TET2: variants seen among roughly 807,000 people sequenced by gnomAD.
The protein encoded by TET2 is methylcytosine dioxygenase TET2.
TET2 carries 299 observed loss-of-function variants against 142.9 expected under a neutral mutation model. That is an observed-to-expected ratio of 2.09 (90% CI 1.90 to 2.30). TET2 has a LOEUF of 2.30. TET2 is among the 30% of genes most tolerant of loss of function. The pLI is 0.00. For missense variants in TET2, 2,418 were observed against 2,378.0 expected (o/e 1.02, Z -0.35); for synonymous variants, 819 against 849.0 (o/e 0.96, Z 0.61).
chr4:105,245,762 A>T (rs1354089143), intron 6 of TET2, among the ~76,000 whole-genome samples: 1 of 152,228 alleles, frequency 6.6e-6, no homozygotes, highest in Admixed American at 6.5e-5. Context: ...TGGTAATAGC[A>T]TTTCTTTCAA....
intron 1 of TET2, among the ~76,000 whole-genome samples, chr4:105,185,170 G>GT (rs545932975): frequency 3.9e-4 from 58 of 147,582 alleles, no homozygotes; most frequent in South Asian, 4.3e-4. Context: ...TAGAGAAGAG[G>GT]TTTTTTTTTT....
In TET2 at chr4:105,237,063, T is replaced by C; in HGVS notation, c.3121T>C (p.Phe1041Leu). The change falls in exon 3 of 11, where the codon TTT (phenylalanine) becomes CTT (leucine). Residue 1041 changes from phenylalanine (F) to leucine (L), a missense_variant. Phe to Leu is a conservative substitution (Grantham distance 22). Coordinates refer to ENST00000380013, the MANE Select transcript of TET2 (RefSeq NM_001127208.3). ...GAAGCAGTTTCACGCCAAGTCGTTA[T>C]TTGACCATAAGGCTCTTACTCTCAA... The part of the protein sequence containing the change: ...HLKQFHAKSL[F>L]DHKALTLKSQ... The C allele has an allele frequency of 1.2e-6, 2 of 1,614,156 alleles. No individual in the cohort carries two copies. The highest frequency in any genetic ancestry group is 1.7e-6 in the Non-Finnish European group (2 of 1,180,018).
chr4:105,154,249 A>T (rs1317056150), intron 1 of TET2, among the ~76,000 whole-genome samples: 10 of 152,230 alleles, frequency 6.6e-5, no homozygotes, highest in African/African-American at 2.2e-4. Flanking sequence ...CCACTGAATT[A>T]TATGCTTTAA....
In TET2 at chr4:105,234,891, C is replaced by T. The variant is rs1434577007; in HGVS notation, c.949C>T (p.Gln317Ter). The change falls in exon 3 of 11, where the codon CAG becomes TAG. Residue 317 changes from glutamine (Q) to a stop codon, truncating the protein, a stop_gained. Coordinates refer to ENST00000380013, the MANE Select transcript of TET2 (RefSeq NM_001127208.3). LOFTEE classifies it high-confidence loss of function. ...LAAMLNTCSFQKPEQLQQQKS... is the reference protein window; with the variant it reads ...LAAMLNTCSF Reference sequence around the variant, plus strand: ...TGCAATGCTAAATACCTGTTCCTTTCAGAAACCAGAACAACTACAACAACA... The same window carrying T: ...TGCAATGCTAAATACCTGTTCCTTTTAGAAACCAGAACAACTACAACAACA... 1.2e-6 allele frequency: 2 copies of T among 1,614,112 alleles called. No homozygotes were observed. The highest frequency in any genetic ancestry group is 1.7e-6 in the Non-Finnish European group (2 of 1,180,014).
intron 1 of TET2, among the ~76,000 whole-genome samples, chr4:105,174,767 G>C (rs1207243935): frequency 6.6e-6 from 1 of 152,168 alleles, no homozygotes; most frequent in African/African-American, 2.4e-5. Context: ...AATTCCCTAA[G>C]GGGAGAAGAA....
At chr4:105,163,841 GA>G in intron 1 of TET2, among the ~76,000 whole-genome samples, 1 of 139,634 alleles carries the variant, frequency 7.2e-6, no homozygotes, top group Non-Finnish European at 1.6e-5. Context: ...GAGAGAGAGA[GA>G]GAGAGAGAGA....
At chr4:105,214,471 ATTTTTTTT>A (rs35752514) in intron 2 of TET2, among the ~76,000 whole-genome samples, 2 of 92,100 alleles carry the variant, frequency 2.2e-5, no homozygotes, top group African/African-American at 4.8e-5. Flanking sequence ...CACACCTGGC[ATTTTTTTT>A]TTTTTTTTTT....
intron 1 of TET2, among the ~76,000 whole-genome samples, chr4:105,178,426 AGAGG>A (rs555978218): frequency 6.6e-6 from 1 of 152,228 alleles, no homozygotes; most frequent in Non-Finnish European, 1.5e-5. Context: ...AGTGTTTTCC[AGAGG>A]GAGGAATGTA....
intron 1 of TET2, among the ~76,000 whole-genome samples, chr4:105,160,871 G>C (rs1376090119): frequency 6.6e-6 from 1 of 152,032 alleles, no homozygotes; most frequent in Non-Finnish European, 1.5e-5. Flanking sequence ...CCGCCTCCTG[G>C]GTTCCAGCAA....
chr4:105,230,378 G>A (rs980366446), intron 2 of TET2, among the ~76,000 whole-genome samples: 2 of 152,092 alleles, frequency 1.3e-5, no homozygotes, highest in Non-Finnish European at 2.9e-5. Flanking sequence ...CAAGGAAAGT[G>A]TTTCTGAAAT....
intron 3 of TET2, chr4:105,238,003 G>GT: frequency 7.1e-6 from 6 of 842,802 alleles, no homozygotes; most frequent in Non-Finnish European, 8.9e-6. Flanking sequence ...GATATTGTGG[G>GT]TTTGGCTCCA....
intron 1 of TET2, among the ~76,000 whole-genome samples, chr4:105,181,238 G>A (rs1175455122): frequency 5.3e-5 from 8 of 152,164 alleles, no homozygotes; most frequent in African/African-American, 1.7e-4. Context: ...GTGTGTGTCT[G>A]TATAGTAGTG....
intron 2 of TET2, 56 bp downstream of exon 2, chr4:105,190,561 GTA>G: frequency 1.5e-6 from 1 of 687,458 alleles, no homozygotes; most frequent in Non-Finnish European, 2.6e-6. Context: ...TATTCCTAAT[GTA>G]ATGGTAATCT....
chr4:105,250,784 C>T (rs187266125), intron 6 of TET2, among the ~76,000 whole-genome samples: 5 of 152,210 alleles, frequency 3.3e-5, no homozygotes, highest in East Asian at 1.9e-4. Flanking sequence ...CCTCCACCTC[C>T]GGGTTCAAGT....
chr4:105,179,027 C>T (rs1724968944), intron 1 of TET2, among the ~76,000 whole-genome samples: 1 of 152,092 alleles, frequency 6.6e-6, no homozygotes. Context: ...CTACCAAACA[C>T]TTATAAAACC....
rs1728662884 is a variant in TET2, at chr4:105,233,906, A to G, written c.-37A>G. ...TTTCCATGCTCTTTAGAATTCAACTAGAGGGCAGCCTTGTGGATGGCCCCG... is the reference window on the plus strand; with the variant it reads ...TTTCCATGCTCTTTAGAATTCAACTGGAGGGCAGCCTTGTGGATGGCCCCG... On this transcript the variant is annotated 5_prime_UTR_variant, in exon 3 of 11. Transcript: ENST00000380013. 1 of 1,562,056 alleles carries G rather than the reference A, an allele frequency of 6.4e-7. No homozygotes were observed. Among genetic ancestry groups the G allele is most frequent in the Non-Finnish European group, 8.7e-7 (1 of 1,155,452 alleles).
chr4:105,189,402 C>T (rs1725654267), intron 1 of TET2, among the ~76,000 whole-genome samples: 1 of 152,176 alleles, frequency 6.6e-6, no homozygotes, highest in Admixed American at 6.5e-5. Context: ...ACTCCTTTAG[C>T]CATTTTATCA....
intron 1 of TET2, among the ~76,000 whole-genome samples, chr4:105,174,701 G>T (rs1056908237): frequency 6.6e-6 from 1 of 152,118 alleles, no homozygotes; most frequent in African/African-American, 2.4e-5. Context: ...CTTACGGAAG[G>T]GCCTGTACTT....
At chr4:105,155,364 A>G (rs1433350773) in intron 1 of TET2, among the ~76,000 whole-genome samples, 2 of 152,266 alleles carry the variant, frequency 1.3e-5, no homozygotes, top group African/African-American at 4.8e-5. Flanking sequence ...TCATAATGCC[A>G]GGACAAAGTG....
Sources: allele counts gnomAD v4.1 joint callset (sites outside exome capture counted in the v4.1 genomes callset), GRCh38; gene constraint gnomAD v4.1.1; transcripts MANE v1.5; gene names NCBI Gene and HGNC (gene_info 2026-07-23, HGNC 2026-07-21).